The following DACH1 variants were observed in gnomAD, a reference collection of about 807,000 sequenced individuals.
The protein encoded by DACH1 is dachshund homolog 1.
Under a neutral mutation model 54.2 loss-of-function variants are expected in DACH1, and 12 were observed. That is an observed-to-expected ratio of 0.22 (90% CI 0.14 to 0.36). The LOEUF (loss-of-function observed/expected upper bound fraction) is 0.36, where lower values mean the gene tolerates loss of function less well. Among genes scored for constraint, DACH1 ranks in the 10% least tolerant of loss-of-function variants. The pLI is 1.00. For synonymous variants in DACH1, 386 were observed against 366.2 expected (o/e 1.05, Z -0.62); for missense variants, 805 against 929.8 (o/e 0.87, Z 1.75).
chr13:71,484,713 C>G (rs1878332524), intron 7 of DACH1, among the ~76,000 whole-genome samples: 2 of 152,030 alleles, frequency 1.3e-5, no homozygotes, highest in South Asian at 4.1e-4. Context: ...CTTTTTGTAA[C>G]AAGATAAACA....
chr13:71,449,201 C>A (rs1874768743), intron 10 of DACH1, among the ~76,000 whole-genome samples: 1 of 152,074 alleles, frequency 6.6e-6, no homozygotes, highest in Non-Finnish European at 1.5e-5. Context: ...TGGCACATGC[C>A]TGTGATCCCA....
At chr13:71,614,849 A>C (rs1429819671) in intron 3 of DACH1, among the ~76,000 whole-genome samples, 1 of 140,022 alleles carries the variant, frequency 7.1e-6, no homozygotes, top group Non-Finnish European at 1.5e-5. Flanking sequence ...CTAAAACTCT[A>C]TCTCAAAAAA....
intron 1 of DACH1, among the ~76,000 whole-genome samples, chr13:71,746,009 A>G (rs891441850): frequency 6.6e-6 from 1 of 152,118 alleles, no homozygotes; most frequent in Non-Finnish European, 1.5e-5. Flanking sequence ...CACGAGGTCA[A>G]GAGATCGAGA....
At chr13:71,741,589 C>T (rs2137948830) in intron 1 of DACH1, among the ~76,000 whole-genome samples, 1 of 152,078 alleles carries the variant, frequency 6.6e-6, no homozygotes, top group Middle Eastern at 3.4e-3. Context: ...AATTAATGAT[C>T]CCTCTGATAA....
At chr13:71,560,064 A>T in intron 4 of DACH1, 109 bp from the exon 5 acceptor site, 5 of 1,199,026 alleles carry the variant, frequency 4.2e-6, no homozygotes, top group Non-Finnish European at 4.5e-6. Context: ...AAAGAGAATA[A>T]ACACTTTACT....
At chr13:71,814,366 T>A (rs945923039) in intron 1 of DACH1, among the ~76,000 whole-genome samples, 1 of 152,250 alleles carries the variant, frequency 6.6e-6, no homozygotes, top group African/African-American at 2.4e-5. Flanking sequence ...TATACTTAAT[T>A]CTTCCTTCAC....
intron 1 of DACH1, among the ~76,000 whole-genome samples, chr13:71,768,167 C>T (rs1005467930): frequency 3.1e-4 from 47 of 151,942 alleles, no homozygotes; most frequent in African/African-American, 1.1e-3. Context: ...TACTTGACCT[C>T]TTTCTTTTAA....
chr13:71,476,974 T>G (rs1486251269), intron 8 of DACH1, among the ~76,000 whole-genome samples: 1 of 149,510 alleles, frequency 6.7e-6, no homozygotes, highest in Non-Finnish European at 1.5e-5. Flanking sequence ...TACTACAGAT[T>G]AAAGAACAGC....
intron 6 of DACH1, among the ~76,000 whole-genome samples, chr13:71,493,148 A>G (rs1313276838): frequency 6.6e-6 from 1 of 152,042 alleles, no homozygotes; most frequent in Non-Finnish European, 1.5e-5. Context: ...TAACAAAAAG[A>G]ATACAACAAA....
At chr13:71,651,348 AC>A (rs1878649098) in intron 2 of DACH1, among the ~76,000 whole-genome samples, 1 of 151,300 alleles carries the variant, frequency 6.6e-6, no homozygotes, top group East Asian at 1.9e-4. Flanking sequence ...AGCCTGGGCA[AC>A]AGAGTGAGAC....
intron 1 of DACH1, among the ~76,000 whole-genome samples, chr13:71,825,879 C>G (rs1377464674): frequency 6.6e-6 from 1 of 151,974 alleles, no homozygotes; most frequent in Non-Finnish European, 1.5e-5. Context: ...TTATTAGAAT[C>G]TATAATATTT....
At chr13:71,722,837 G>C (rs1883291711) in intron 1 of DACH1, among the ~76,000 whole-genome samples, 1 of 152,026 alleles carries the variant, frequency 6.6e-6, no homozygotes, top group Non-Finnish European at 1.5e-5. Context: ...ACTATTCGTG[G>C]CTTTCTCATA....
intron 6 of DACH1, among the ~76,000 whole-genome samples, chr13:71,495,662 G>A (rs1879345713): frequency 1.3e-5 from 2 of 152,036 alleles, no homozygotes; most frequent in Admixed American, 6.6e-5. Context: ...AAAAATTACA[G>A]ATATTGATGA....
intron 3 of DACH1, among the ~76,000 whole-genome samples, chr13:71,601,696 A>AATGAC (rs1874507569): frequency 6.6e-6 from 1 of 151,948 alleles, no homozygotes; most frequent in Non-Finnish European, 1.5e-5. Flanking sequence ...AAATGTCAGT[A>AATGAC]CTCTATTATC....
intron 7 of DACH1, among the ~76,000 whole-genome samples, chr13:71,486,588 T>C (rs1878520847): frequency 6.6e-6 from 1 of 152,172 alleles, no homozygotes; most frequent in Admixed American, 6.5e-5. Context: ...TGTTTGTATA[T>C]GTATGTGTGT....
intron 7 of DACH1, 54 bp downstream of exon 7, chr13:71,488,943 A>G: frequency 6.4e-7 from 1 of 1,552,794 alleles, no homozygotes; most frequent in Non-Finnish European, 8.7e-7. Flanking sequence ...GGAAAAAAAA[A>G]ATCTACAACA....
intron 1 of DACH1, among the ~76,000 whole-genome samples, chr13:71,823,435 A>G (rs1888267566): frequency 6.6e-6 from 1 of 152,086 alleles, no homozygotes; most frequent in African/African-American, 2.4e-5. Flanking sequence ...AAGGCCTCAT[A>G]AAGACAAGTG....
intron 1 of DACH1, among the ~76,000 whole-genome samples, chr13:71,826,993 A>T (rs941009913): frequency 6.6e-6 from 1 of 152,138 alleles, no homozygotes; most frequent in Admixed American, 6.6e-5. Flanking sequence ...TTCCACTAGG[A>T]TGAGGATTAA....
chr13:71,643,373 C>T (rs535215057), intron 2 of DACH1, among the ~76,000 whole-genome samples: 21 of 152,268 alleles, frequency 1.4e-4, no homozygotes, highest in African/African-American at 4.8e-4. Context: ...TCAAACATAA[C>T]TTTATCTTGG....
Sources: gnomAD v4.1 joint callset for allele counts (sites outside exome capture counted in the v4.1 genomes callset) on GRCh38, gnomAD v4.1.1 for gene constraint, MANE v1.5 for transcripts, NCBI Gene and HGNC (gene_info 2026-07-23, HGNC 2026-07-21) for gene names.